The following COL6A5 variants were observed in gnomAD, a reference collection of about 807,000 sequenced individuals.
COL6A5 encodes collagen alpha-5(VI) chain.
Under a neutral mutation model 65.6 loss-of-function variants are expected in COL6A5, and 48 were observed. The observed-to-expected ratio is 0.73, with a 90% CI of 0.58 to 0.93. COL6A5 has a LOEUF of 0.93. Among genes scored for constraint, COL6A5 ranks in the 40% least tolerant of loss-of-function variants. The pLI is 0.00. For missense variants in COL6A5, 914 were observed against 928.3 expected (o/e 0.98, Z 0.20); for synonymous variants, 291 against 322.8 (o/e 0.90, Z 1.05).
chr3:130,450,853 T>C (rs1304767996), intron 4 of COL6A5, among the ~76,000 whole-genome samples: 5 of 152,216 alleles, frequency 3.3e-5, no homozygotes, highest in South Asian at 2.1e-4. Flanking sequence ...CAAAGTTTAA[T>C]TGGGCATAAG....
At position 130,443,473 on chromosome 3, in the gene COL6A5, T is replaced by C. The variant is rs142752845; in HGVS notation, c.1242-3T>C. On this transcript the variant is annotated splice_polypyrimidine_tract_variant and splice_region_variant and intron_variant, in intron 3 of 7. Transcript: ENST00000512836. ...TCTAACTATAACTTTGTTCTCTCAATAGGGGGATTCAATCAGTACCCACCA... is the reference window on the plus strand; with the variant it reads ...TCTAACTATAACTTTGTTCTCTCAACAGGGGGATTCAATCAGTACCCACCA... 9 of 1,596,078 alleles carry C rather than the reference T, an allele frequency of 5.6e-6. No homozygotes were observed. The highest frequency in any genetic ancestry group is 7.7e-6 in the Non-Finnish European group (9 of 1,164,046).
upstream of COL6A5, among the ~76,000 whole-genome samples, chr3:130,428,892 T>TGA (rs1937677401): frequency 6.6e-6 from 1 of 152,092 alleles, no homozygotes; most frequent in African/African-American, 2.4e-5. Flanking sequence ...TATATTGGAG[T>TGA]GACTCATTTG....
intron 1 of COL6A5, among the ~76,000 whole-genome samples, chr3:130,362,184 G>A (rs907032187): frequency 1.3e-5 from 2 of 148,736 alleles, no homozygotes; most frequent in African/African-American, 5.0e-5. Flanking sequence ...GGAGCTTATG[G>A]TTTTGCATTT....
chr3:130,397,692 A>AGGGGGT lies in COL6A5; in HGVS notation c.3679_3680insGGGGTG (p.Glu1226_Asp1227insGlyGly), dbSNP rs754477703. 1,650 of 1,551,644 alleles carry AGGGGGT rather than the reference A, an allele frequency of 1.1e-3. 1 individual carries two copies. Among genetic ancestry groups the AGGGGGT allele is most frequent in the Non-Finnish European group, 1.4e-3 (1,577 of 1,147,022 alleles). On this transcript the variant is annotated inframe_insertion and NMD_transcript_variant, in exon 9 of 42. Transcript: ENST00000312481. ...AATCCTACCTCCCAGGCATCTTAGA[A>AGGGGGT]GACATCAGCTCTATCAAGGGGGTGA...
exon 1 of COL6A5, chr3:130,431,850 T>C (rs1937828605): frequency 6.4e-7 from 1 of 1,551,480 alleles, no homozygotes; most frequent in African/African-American, 1.4e-5. Context: ...AAACAGCCAG[T>C]AGGTCATCCA....
At chr3:130,437,528 C>A (rs372985254) in intron 1 of COL6A5, among the ~76,000 whole-genome samples, 6 of 152,214 alleles carry the variant, frequency 3.9e-5, no homozygotes, top group East Asian at 1.9e-4. Context: ...ACTCTTCTAC[C>A]TGAAACTCTG....
chr3:130,380,734 A>G (rs889261427), intron 4 of COL6A5, among the ~76,000 whole-genome samples: 7 of 152,040 alleles, frequency 4.6e-5, no homozygotes, highest in Non-Finnish European at 7.4e-5. Flanking sequence ...TGTCATATTG[A>G]ACAGTATAGG....
chr3:130,405,856 A>T, intron 14 of COL6A5, 137 bp from the exon 15 acceptor site: 1 of 961,664 alleles, frequency 1.0e-6, no homozygotes, highest in South Asian at 1.5e-5. Flanking sequence ...GCATTAATAA[A>T]TTGCATCTCT....
intron 7 of COL6A5, 81 bp downstream of exon 7, chr3:130,391,835 G>A (rs1408524451): frequency 8.8e-6 from 9 of 1,020,156 alleles, no homozygotes; most frequent in South Asian, 1.7e-5. Context: ...TCAGGTCTCC[G>A]ATTACCTGGA....
In COL6A5 at chr3:130,475,348, A is replaced by C. The variant is rs568343040; in HGVS notation, c.2328+4381A>C. On this transcript the variant is annotated intron_variant, in intron 7 of 7. Coordinates refer to ENST00000512836, the Ensembl canonical transcript of COL6A5. ...CTGCTGAAAACCAAGGATAAAGAAA[A>C]AAAATATTGAAGCAGCTAAGAAACT... Among the ~76,000 whole-genome samples, 151 of 152,226 alleles carry C rather than the reference A, an allele frequency of 9.9e-4. 1 individual carries two copies. The highest frequency in any genetic ancestry group is 3.5e-3 in the African/African-American group (145 of 41,566).
intron 1 of COL6A5, among the ~76,000 whole-genome samples, chr3:130,435,063 A>G (rs58979630): frequency 0.025 from 3,766 of 152,074 alleles, 150 homozygotes; most frequent in African/African-American, 0.088. Context: ...TAGGGTTTTT[A>G]TGGTTTTGGG....
chr3:130,400,251 T>C (rs1209550738), intron 10 of COL6A5, among the ~76,000 whole-genome samples: 1 of 152,228 alleles, frequency 6.6e-6, no homozygotes, highest in African/African-American at 2.4e-5. Flanking sequence ...AAGAATGGGT[T>C]AGGAGCTTCT....
intron 1 of COL6A5, among the ~76,000 whole-genome samples, chr3:130,436,040 C>A (rs929135952): frequency 5.3e-5 from 8 of 152,048 alleles, no homozygotes; most frequent in African/African-American, 1.9e-4. Flanking sequence ...GGAATTTAAA[C>A]TTGCAAAGCC....
chr3:130,469,357 C>G, exon 6 of COL6A5: 2 of 1,612,884 alleles, frequency 1.2e-6, no homozygotes, highest in Non-Finnish European at 1.7e-6. Flanking sequence ...AACACAATGA[C>G]AAAGAATTAG....
chr3:130,423,572 A>C (rs1392198025), intron 28 of COL6A5, among the ~76,000 whole-genome samples: 1 of 152,152 alleles, frequency 6.6e-6, no homozygotes, highest in African/African-American at 2.4e-5. Flanking sequence ...AATTAGCACC[A>C]ATCCCAATTT....
chr3:130,408,874 A>T (rs765029405), intron 17 of COL6A5, among the ~76,000 whole-genome samples: 1 of 152,240 alleles, frequency 6.6e-6, no homozygotes, highest in African/African-American at 2.4e-5. Context: ...CAATTTAATT[A>T]TAGATGTTGG....
intron 1 of COL6A5, among the ~76,000 whole-genome samples, chr3:130,366,033 A>G (rs1056659461): frequency 6.6e-6 from 1 of 152,216 alleles, no homozygotes; most frequent in Non-Finnish European, 1.5e-5. Flanking sequence ...TAAGGGTCCT[A>G]GAGCAGGAAA....
intron 7 of COL6A5, 68 bp from the exon 8 acceptor site, chr3:130,394,818 TTAAG>T: frequency 1.8e-6 from 2 of 1,095,934 alleles, no homozygotes; most frequent in Non-Finnish European, 2.6e-6. Flanking sequence ...GTAAAGCAAT[TTAAG>T]TATATGAGGA....
chr3:130,480,670 G>A (rs146028091), intron 7 of COL6A5, among the ~76,000 whole-genome samples: 76 of 152,054 alleles, frequency 5.0e-4, no homozygotes, highest in African/African-American at 1.6e-3. Flanking sequence ...AACTCATAAC[G>A]AAAAAAATAG....
Sources: gnomAD v4.1 joint callset for allele counts (sites outside exome capture counted in the v4.1 genomes callset) on GRCh38, gnomAD v4.1.1 for gene constraint, MANE v1.5 for transcripts, NCBI Gene and HGNC (gene_info 2026-07-23, HGNC 2026-07-21) for gene names.